Variants in OTUD7A observed in about 807,000 individuals in gnomAD.
OTUD7A encodes the protein OTU deubiquitinase 7A, also known as OTU domain-containing protein 7A.
OTUD7A carries 12 observed loss-of-function variants against 65.7 expected under a neutral mutation model. The ratio of observed to expected loss-of-function variants is 0.18; its 90% CI spans 0.12 to 0.30. The LOEUF is 0.30. Ranked by LOEUF, OTUD7A falls within the 10% of genes least tolerant of loss-of-function variation. The probability of loss-of-function intolerance (pLI) is 1.00; values close to 1 mark genes in which losing one functional copy is unlikely to be tolerated. For missense variants in OTUD7A, 1,148 were observed against 1,304.8 expected, an observed-to-expected ratio of 0.88 and a Z score of 1.85; for synonymous variants, 641 against 586.3, an observed-to-expected ratio of 1.09 and a Z score of -1.35.
chr15:31,544,400 C>T (rs1445173444), intron 5 of OTUD7A, among the ~76,000 whole-genome samples: 1 of 151,298 alleles, frequency 6.6e-6, no homozygotes, highest in East Asian at 1.9e-4. Context: ...AAACTTTGGT[C>T]TATAAGAGGT....
At chr15:31,695,035 C>T (rs1486020131) in intron 1 of OTUD7A, among the ~76,000 whole-genome samples, 2 of 152,028 alleles carry the variant, frequency 1.3e-5, no homozygotes, top group African/African-American at 4.8e-5. Context: ...TTAGTAGAGA[C>T]GGGGTTTCAC....
chr15:31,565,294 C>T (rs1888830504), intron 4 of OTUD7A, among the ~76,000 whole-genome samples: 1 of 152,112 alleles, frequency 6.6e-6, no homozygotes, highest in African/African-American at 2.4e-5. Flanking sequence ...GAAGAACTTA[C>T]AATTATTTCA....
intron 1 of OTUD7A, among the ~76,000 whole-genome samples, chr15:31,857,464 T>C (rs1428871743): frequency 6.6e-6 from 1 of 152,110 alleles, no homozygotes; most frequent in Admixed American, 6.5e-5. Flanking sequence ...TGCTGGCACT[T>C]GGGTTCTCAC....
intron 1 of OTUD7A, among the ~76,000 whole-genome samples, chr15:31,812,285 C>T (rs570825575): frequency 6.6e-6 from 1 of 152,338 alleles, no homozygotes; most frequent in East Asian, 1.9e-4. Context: ...AGGCCCCCAG[C>T]TCACCACACA....
At chr15:31,614,061 A>G (rs983124222) in intron 3 of OTUD7A, among the ~76,000 whole-genome samples, 13 of 152,360 alleles carry the variant, frequency 8.5e-5, no homozygotes, top group African/African-American at 2.9e-4. Flanking sequence ...TGAAAAACCA[A>G]ACATCATATG....
chr15:31,648,768 TA>T (rs1891751428), intron 3 of OTUD7A, among the ~76,000 whole-genome samples: 1 of 152,118 alleles, frequency 6.6e-6, no homozygotes, highest in Non-Finnish European at 1.5e-5. Context: ...ATTTTATTAT[TA>T]TTATGTTTTC....
At chr15:31,511,091 TAC>T (rs1282705118) in intron 8 of OTUD7A, among the ~76,000 whole-genome samples, 2 of 39,388 alleles carry the variant, frequency 5.1e-5, no homozygotes, top group Non-Finnish European at 8.5e-5. Context: ...ATATGTAACA[TAC>T]ATATGTATAT....
chr15:31,868,129 A>G (rs1897928378), intron 1 of OTUD7A, among the ~76,000 whole-genome samples: 1 of 152,230 alleles, frequency 6.6e-6, no homozygotes, highest in South Asian at 2.1e-4. Flanking sequence ...AATCAGGGCA[A>G]TTTTTACTTC....
chr15:31,601,282 A>G (rs142282134), intron 3 of OTUD7A, among the ~76,000 whole-genome samples: 1 of 152,314 alleles, frequency 6.6e-6, no homozygotes, highest in East Asian at 1.9e-4. Context: ...AGTGCAATCA[A>G]ATTAGAACTC....
chr15:31,770,216 T>C (rs1038020816), intron 1 of OTUD7A, among the ~76,000 whole-genome samples: 8 of 152,004 alleles, frequency 5.3e-5, no homozygotes, highest in African/African-American at 1.7e-4. Context: ...ATCACAAAAA[T>C]CATGAATGAA....
intron 1 of OTUD7A, among the ~76,000 whole-genome samples, chr15:31,797,671 C>A (rs1896005173): frequency 1.3e-5 from 2 of 152,246 alleles, no homozygotes; most frequent in African/African-American, 4.8e-5. Context: ...CCCGCCTTCA[C>A]TCCCAAACTC....
At chr15:31,605,467 G>T (rs1399053685) in intron 3 of OTUD7A, among the ~76,000 whole-genome samples, 1 of 152,128 alleles carries the variant, frequency 6.6e-6, no homozygotes, top group Non-Finnish European at 1.5e-5. Context: ...GGGGTGGGTG[G>T]ACGGCTGATT....
chr15:31,715,018 C>T (rs2654043), intron 1 of OTUD7A, among the ~76,000 whole-genome samples: 1 of 19,386 alleles, frequency 5.2e-5, no homozygotes, highest in African/African-American at 8.9e-5. Flanking sequence ...CACCTGTAGT[C>T]CCTGCTACCT....
intron 3 of OTUD7A, among the ~76,000 whole-genome samples, chr15:31,607,431 G>A (rs915279935): frequency 6.6e-6 from 1 of 152,158 alleles, no homozygotes; most frequent in Non-Finnish European, 1.5e-5. Flanking sequence ...TTGGCTTAAA[G>A]TGGCCTTGGA....
In OTUD7A at chr15:31,487,064, G is replaced by T; in HGVS notation, c.1371+130C>A. The T allele has an allele frequency of 2.4e-6, 2 of 842,610 alleles. No homozygotes were observed. The highest frequency in any genetic ancestry group is 1.9e-6 in the Non-Finnish European group (1 of 536,592). 52.2% of individuals were successfully genotyped at this position (842,610 alleles called of 1,614,324 possible). On this transcript the variant is annotated intron_variant, in intron 12 of 12. Transcript: ENST00000307050. This position sits in a 1 kb window ranked among gnomAD's most constrained non-coding sequence, Gnocchi z 6.0. ...GGAGGAGCTACTGGGCTGTGGGTAT[G>T]GCTGGGGTGGGCGGCCGGGCAGGGG...
At chr15:31,501,961 G>C (rs1433523637) in intron 9 of OTUD7A, 122 bp from the exon 10 acceptor site, 1 of 1,133,842 alleles carries the variant, frequency 8.8e-7, no homozygotes, top group African/African-American at 1.6e-5. Context: ...AGGGACAGGA[G>C]GGGTGGATGG....
chr15:31,818,387 G>A (rs1273978935), intron 1 of OTUD7A, among the ~76,000 whole-genome samples: 1 of 152,128 alleles, frequency 6.6e-6, no homozygotes, highest in Non-Finnish European at 1.5e-5. Context: ...TCTCTTTATA[G>A]GGAGAAAAAA....
At chr15:31,839,689 C>A (rs1402979802) in intron 1 of OTUD7A, among the ~76,000 whole-genome samples, 1 of 152,148 alleles carries the variant, frequency 6.6e-6, no homozygotes, top group African/African-American at 2.4e-5. Context: ...GGTTGAGAAA[C>A]TAACTTGTGT....
At chr15:31,831,943 A>G (rs908240955) in intron 1 of OTUD7A, among the ~76,000 whole-genome samples, 9 of 152,220 alleles carry the variant, frequency 5.9e-5, no homozygotes, top group Admixed American at 3.3e-4. Flanking sequence ...GAGAAATCAG[A>G]CAGGTTGCCT....
Sources: allele counts gnomAD v4.1 joint callset (sites outside exome capture counted in the v4.1 genomes callset), GRCh38; gene constraint gnomAD v4.1.1; non-coding constraint Gnocchi (gnomAD v3.1); transcripts MANE v1.5; gene names NCBI Gene and HGNC (gene_info 2026-07-23, HGNC 2026-07-21).